ARPP21: variants seen among roughly 807,000 people sequenced by gnomAD.
The protein encoded by ARPP21 is cAMP regulated phosphoprotein 21.
In ARPP21, 69 loss-of-function variants were observed where a neutral mutation model predicts 113.2. The ratio of observed to expected loss-of-function variants is 0.61; its 90% CI spans 0.50 to 0.74. ARPP21 has a LOEUF of 0.74. Among genes scored for constraint, ARPP21 ranks in the 30% least tolerant of loss-of-function variants. ARPP21 has a pLI of 0.00. For missense variants in ARPP21, 1,070 were observed against 1,037.4 expected (o/e 1.03, Z -0.43); for synonymous variants, 368 against 375.5 (o/e 0.98, Z 0.23).
intron 19 of ARPP21, among the ~76,000 whole-genome samples, chr3:35,773,892 A>G (rs2096277558): frequency 6.6e-6 from 1 of 152,140 alleles, no homozygotes; most frequent in African/African-American, 2.4e-5. Flanking sequence ...GTTCTCTGGC[A>G]TCATTAACAA....
chr3:35,683,992 C>A, intron 5 of ARPP21, 177 bp downstream of exon 5: 2 of 1,434,118 alleles, frequency 1.4e-6, no homozygotes, highest in South Asian at 2.3e-5. Flanking sequence ...AATGGTTTGT[C>A]ACAGAGTATT....
At chr3:35,786,742 G>T (rs1226157948) in intron 19 of ARPP21, among the ~76,000 whole-genome samples, 2 of 151,898 alleles carry the variant, frequency 1.3e-5, no homozygotes, top group African/African-American at 2.4e-5. Flanking sequence ...CAGTAAAATC[G>T]ATGCCTTCCT....
intron 14 of ARPP21, among the ~76,000 whole-genome samples, chr3:35,725,060 A>G (rs1189661989): frequency 6.6e-6 from 1 of 152,192 alleles, no homozygotes; most frequent in Non-Finnish European, 1.5e-5. Context: ...ACTGAGCTCC[A>G]CTGAATCGAA....
chr3:35,652,454 C>A (rs1702797436), intron 1 of ARPP21, among the ~76,000 whole-genome samples: 1 of 151,988 alleles, frequency 6.6e-6, no homozygotes. Flanking sequence ...GAAAACATTA[C>A]CTCATTGTTT....
At chr3:35,698,409 G>A (rs546602403) in intron 9 of ARPP21, among the ~76,000 whole-genome samples, 1 of 151,544 alleles carries the variant, frequency 6.6e-6, no homozygotes, top group Non-Finnish European at 1.5e-5. Flanking sequence ...AATGAAACAT[G>A]CGTATATGTT....
intron 1 of ARPP21, among the ~76,000 whole-genome samples, chr3:35,645,020 C>T (rs1002623668): frequency 6.6e-6 from 1 of 151,798 alleles, no homozygotes; most frequent in Non-Finnish European, 1.5e-5. Context: ...GCATTAGAAG[C>T]ATTAGTCCAA....
At chr3:35,686,044 T>C (rs1220207566) in intron 5 of ARPP21, among the ~76,000 whole-genome samples, 3 of 151,678 alleles carry the variant, frequency 2.0e-5, no homozygotes, top group African/African-American at 7.3e-5. Context: ...ATTTATAATA[T>C]ATGTCCAAGC....
chr3:35,785,163 A>G (rs920340989), intron 19 of ARPP21: 12 of 152,202 alleles, frequency 7.9e-5, no homozygotes, highest in African/African-American at 2.9e-4. Context: ...TTGCCTCAGC[A>G]GTAGTTTGCT....
At chr3:35,717,252 G>C in intron 12 of ARPP21, 46 bp from the exon 13 acceptor site, 1 of 1,109,296 alleles carries the variant, frequency 9.0e-7, no homozygotes, top group Non-Finnish European at 1.4e-6. Context: ...AAGGCATTTA[G>C]TACCCTTAGG....
At chr3:35,770,142 G>A (rs2096145025) in intron 19 of ARPP21, among the ~76,000 whole-genome samples, 1 of 152,150 alleles carries the variant, frequency 6.6e-6, no homozygotes, top group African/African-American at 2.4e-5. Context: ...TATTCCCTGG[G>A]ATGAAATCCA....
intron 15 of ARPP21, among the ~76,000 whole-genome samples, chr3:35,736,083 CT>C (rs2094332416): frequency 6.6e-6 from 1 of 152,146 alleles, no homozygotes; most frequent in Admixed American, 6.5e-5. Context: ...ACTTTGAAGT[CT>C]TACTGACCAG....
rs537991840 is a variant in ARPP21, at chr3:35,666,845, A to C, written c.-212-12942A>C. ...ACTTTTTCCAAATATAAAATTAAAC[A>C]GGTTTTTTTGAGATTTGGAAAGGTT... On this transcript the variant is annotated intron_variant, in intron 1 of 20. Transcript: ENST00000684406. Among the ~76,000 whole-genome samples the C allele has an allele frequency of 1.1e-3, 170 of 152,304 alleles. 1 individual carries two copies. The highest frequency in any genetic ancestry group is 4.0e-3 in the African/African-American group (168 of 41,560).
chr3:35,752,494 C>T (rs1317891695), intron 19 of ARPP21, among the ~76,000 whole-genome samples: 1 of 152,046 alleles, frequency 6.6e-6, no homozygotes, highest in Non-Finnish European at 1.5e-5. Context: ...CCCTCTAGCT[C>T]TTCTGTACAC....
Position 35,708,976 on chromosome 3 carries a change from G to A in ARPP21, c.803G>A (p.Arg268Lys). The A allele has an allele frequency of 6.2e-7, 1 of 1,612,762 alleles. No homozygotes were observed. The highest frequency in any genetic ancestry group is 8.5e-7 in the Non-Finnish European group (1 of 1,179,112). Residue 268 changes from arginine to lysine, a missense_variant, in exon 11 of 21, where the codon AGA becomes AAA. Physicochemically the swap from Arg to Lys is conservative, Grantham distance 26 (BLOSUM62 2). Coordinates refer to ENST00000684406, the MANE Select transcript of ARPP21 (RefSeq NM_001385562.1). ...TTTCTTTTTTCTGTTCAGCAAAACA[G>A]AATGCATCCATTTAGAGATGACAGA... ...SIDKEDNQQNRMHPFRDDRRS... is the reference protein window; with the variant it reads ...SIDKEDNQQNKMHPFRDDRRS...
intron 6 of ARPP21, 52 bp from the exon 7 acceptor site, chr3:35,689,255 C>G (rs1468831300): frequency 2.3e-6 from 2 of 856,492 alleles, no homozygotes; most frequent in Non-Finnish European, 4.1e-6. Context: ...ACCTTTTCTA[C>G]CCCACCTTTC....
chr3:35,786,526 C>CAAA, intron 19 of ARPP21, among the ~76,000 whole-genome samples: 1 of 87,756 alleles, frequency 1.1e-5, no homozygotes, highest in African/African-American at 4.2e-5. Context: ...GATTTCATCT[C>CAAA]AAAAAAAAAA....
rs1452243363 is a variant in ARPP21 at position 35,681,854 on chromosome 3, G to T, written c.103G>T (p.Asp35Tyr). The change falls in exon 3 of 21, where the codon GAT (aspartate) becomes TAT (tyrosine). Residue 35 changes from aspartate (D) to tyrosine (Y), a missense_variant. Transcript: ENST00000684406. ...CGGCATTGTTAAATCAGAAAGTCTG[G>T]ATGAAGAGGAGAAACTGGAACTGCA... ...ENGIVKSESL[D>Y]EEEKLELQRR... The T allele has an allele frequency of 1.2e-6, 2 of 1,612,068 alleles. No individual in the cohort carries two copies. Among genetic ancestry groups the T allele is most frequent in the Non-Finnish European group, 1.7e-6 (2 of 1,178,736 alleles).
At chr3:35,648,664 G>T (rs571427509) in intron 1 of ARPP21, among the ~76,000 whole-genome samples, 4 of 152,254 alleles carry the variant, frequency 2.6e-5, no homozygotes, top group African/African-American at 9.6e-5. Context: ...AGGAGGGAAA[G>T]ACTTCTCTCG....
chr3:35,664,698 G>A (rs1358301488), intron 1 of ARPP21, among the ~76,000 whole-genome samples: 5 of 152,192 alleles, frequency 3.3e-5, no homozygotes, highest in Admixed American at 3.3e-4. Flanking sequence ...GGCTGTGGCG[G>A]TTGCGTTTCC....
Sources: allele counts gnomAD v4.1 joint callset (sites outside exome capture counted in the v4.1 genomes callset), GRCh38; gene constraint gnomAD v4.1.1; transcripts MANE v1.5; gene names NCBI Gene and HGNC (gene_info 2026-07-23, HGNC 2026-07-21).